The following VPS13D variants were observed in gnomAD, a reference collection of about 807,000 sequenced individuals.
The protein encoded by VPS13D is vacuolar protein sorting 13 homolog D.
In VPS13D, 187 loss-of-function variants were observed where a neutral mutation model predicts 461.9. The ratio of observed to expected loss-of-function variants is 0.40; its 90% CI spans 0.36 to 0.46. VPS13D has a LOEUF of 0.46. VPS13D is among the 20% of genes least tolerant of loss of function. VPS13D has a pLI of 0.60. For missense variants in VPS13D, 4,711 were observed against 5,364.9 expected (o/e 0.88, Z 3.81); for synonymous variants, 1,951 against 1,986.3 (o/e 0.98, Z 0.47).
In VPS13D at chr1:12,379,592, T is replaced by C; in HGVS notation, c.11186T>C (p.Val3729Ala). The C allele has an allele frequency of 6.2e-7, 1 of 1,612,292 alleles. No individual in the cohort carries two copies. Among genetic ancestry groups the C allele is most frequent in the East Asian group, 2.2e-5 (1 of 44,798 alleles). The change falls in exon 57 of 70, where the codon GTC becomes GCC. Residue 3729 changes from valine to alanine, a missense_variant. Around this residue, in one of 3 missense-constraint regions of VPS13D, gnomAD observed 4,411 missense variants for 4,937.8 expected, o/e 0.89. Transcript: ENST00000620676. Reference sequence around the variant, plus strand: ...ACCTGTGGGTTACATGGGTTGGTCGTCCAGGTCAGTCGTTTTTGATCCCCA... The same window carrying C: ...ACCTGTGGGTTACATGGGTTGGTCGCCCAGGTCAGTCGTTTTTGATCCCCA... ...KLTCGLHGLV[V>A]QAKGGLSGLF...
chr1:12,286,176 C>T (rs1445442334), intron 21 of VPS13D, among the ~76,000 whole-genome samples: 4 of 152,002 alleles, frequency 2.6e-5, no homozygotes, highest in Non-Finnish European at 5.9e-5. Context: ...CTCCTGGGTT[C>T]GAGCTATTCT....
intron 11 of VPS13D, 76 bp from the exon 12 acceptor site, chr1:12,260,872 T>C (rs1641085237): frequency 1.2e-6 from 2 of 1,610,450 alleles, no homozygotes; most frequent in Non-Finnish European, 1.7e-6. Context: ...CTTGTGCTCC[T>C]GTGGGGAAAC....
At chr1:12,335,656 C>G in intron 38 of VPS13D, 49 bp from the exon 39 acceptor site, 1 of 1,559,372 alleles carries the variant, frequency 6.4e-7, no homozygotes, top group Non-Finnish European at 8.7e-7. Context: ...TTGACTCGAA[C>G]CCTCCATCTT....
chr1:12,294,930 A>G (rs1642233031), intron 24 of VPS13D, among the ~76,000 whole-genome samples: 2 of 152,080 alleles, frequency 1.3e-5, no homozygotes, highest in South Asian at 4.1e-4. Flanking sequence ...CCTTTTTTAA[A>G]AAAACTTTAT....
chr1:12,338,382 T>C (rs1342016667), intron 40 of VPS13D, 77 bp downstream of exon 40: 2 of 1,335,152 alleles, frequency 1.5e-6, no homozygotes, highest in African/African-American at 1.5e-5. Flanking sequence ...TTTTTTTTAA[T>C]GAGTGGGAGT....
At chr1:12,477,085 G>A (rs771803108) in intron 67 of VPS13D, among the ~76,000 whole-genome samples, 1 of 152,216 alleles carries the variant, frequency 6.6e-6, no homozygotes, top group Non-Finnish European at 1.5e-5. Flanking sequence ...GTAGTTGCTA[G>A]TATGGGATTT....
At chr1:12,354,448 T>A (rs1643868741) in intron 47 of VPS13D, among the ~76,000 whole-genome samples, 1 of 152,092 alleles carries the variant, frequency 6.6e-6, no homozygotes, top group South Asian at 2.1e-4. Context: ...GCGGGAAGAT[T>A]ACTTGAGTCT....
At chr1:12,391,252 G>GAT (rs774256146) in intron 60 of VPS13D, among the ~76,000 whole-genome samples, 1 of 152,194 alleles carries the variant, frequency 6.6e-6, no homozygotes, top group Non-Finnish European at 1.5e-5. Flanking sequence ...TCCTAGAAAG[G>GAT]GGCTGTAGTG....
chr1:12,399,098 G>A (rs1644538021), intron 60 of VPS13D, among the ~76,000 whole-genome samples: 1 of 152,228 alleles, frequency 6.6e-6, no homozygotes, highest in Non-Finnish European at 1.5e-5. Context: ...GGCTAGCATG[G>A]AGCTTCGCAC....
intron 22 of VPS13D, among the ~76,000 whole-genome samples, chr1:12,289,525 G>C (rs1192380306): frequency 2.0e-5 from 3 of 150,328 alleles, no homozygotes; most frequent in Admixed American, 6.6e-5. Flanking sequence ...TTCATGCCTT[G>C]TGCAATTATT....
intron 23 of VPS13D, 68 bp downstream of exon 23, chr1:12,291,192 G>A (rs929341638): frequency 1.3e-6 from 2 of 1,541,944 alleles, no homozygotes; most frequent in African/African-American, 2.8e-5. Flanking sequence ...ATTCTTGTTG[G>A]CTAGACAATA....
rs1280974414 is a variant in VPS13D, at chr1:12,335,776, A to G, written c.8500A>G (p.Lys2834Glu). The change falls in exon 39 of 70, where the codon AAA (lysine) becomes GAA (glutamate). Residue 2834 changes from lysine to glutamate, a missense_variant. Physicochemically the swap from Lys to Glu is moderately conservative, Grantham distance 56 (BLOSUM62 1). This residue lies in a region of VPS13D where 4,411 missense variants were observed against 4,937.8 expected (regional missense o/e 0.89). Coordinates refer to ENST00000620676, the MANE Select transcript of VPS13D (RefSeq NM_015378.4). ...AGATGACAAGGACATAGAGTCAGCT[A>G]AATCAGAAGACTGGATGGGCTCTTC... ...CKDDKDIESA[K>E]SEDWMGSSVD... 2 of 1,614,078 alleles carry G rather than the reference A, an allele frequency of 1.2e-6. No homozygotes were observed. Among genetic ancestry groups the G allele is most frequent in the South Asian group, 2.2e-5 (2 of 91,084 alleles).
intron 63 of VPS13D, among the ~76,000 whole-genome samples, chr1:12,412,657 A>G (rs954823393): frequency 6.6e-6 from 1 of 152,378 alleles, no homozygotes; most frequent in South Asian, 2.1e-4. Flanking sequence ...TAGGTGGAGC[A>G]TAAATAAAAT....
Position 12,318,341 on chromosome 1 carries a change from A to AT in VPS13D, c.7414+6dup. 1 of 1,604,258 alleles carries AT rather than the reference A, an allele frequency of 6.2e-7. No individual in the cohort carries two copies. The highest frequency in any genetic ancestry group is 8.5e-7 in the Non-Finnish European group (1 of 1,172,250). On this transcript the variant is annotated splice_donor_region_variant and intron_variant, in intron 31 of 69. Coordinates refer to ENST00000620676, the MANE Select transcript of VPS13D (RefSeq NM_015378.4). ...GAGGTCAAGGTCAATGTAACAGGTG[A>AT]TTATATGTGGGTGTGATTCATTGGT...
At chr1:12,357,132 A>G (rs1347371072) in intron 49 of VPS13D, among the ~76,000 whole-genome samples, 1 of 152,234 alleles carries the variant, frequency 6.6e-6, no homozygotes, top group Non-Finnish European at 1.5e-5. Flanking sequence ...TGCTTTTTAC[A>G]AGAGTCTTTT....
rs980735969 is a variant in VPS13D, at chr1:12,233,057, G to C, written c.-76-1134G>C. On this transcript the variant is annotated intron_variant, in intron 1 of 69. Transcript: ENST00000620676. ...GTCTCACTCTGTCACCCAGGCTGGAGTGCGGTGGTGTGATCTTGGCTCACT... is the reference window on the plus strand; with the variant it reads ...GTCTCACTCTGTCACCCAGGCTGGACTGCGGTGGTGTGATCTTGGCTCACT... Among the ~76,000 whole-genome samples the C allele has an allele frequency of 4.0e-5, 6 of 151,252 alleles. 1 individual carries two copies. The highest frequency in any genetic ancestry group is 3.3e-4 in the Admixed American group (5 of 15,170).
At position 12,230,031 on chromosome 1, in the gene VPS13D, T is replaced by C. The variant is rs1051065537; in HGVS notation, c.-166T>C. 6.6e-6 allele frequency: 1 copy of C among 151,892 alleles called. No homozygotes were observed. Among genetic ancestry groups the C allele is most frequent in the Non-Finnish European group, 1.5e-5 (1 of 67,912 alleles). The allele number at this position is 151,892 out of a possible 1,614,324, so 9.4% of individuals were successfully genotyped here. ...TCGATTGGTCGGGTCGGGGCCGGCC[T>C]GAGCGCCGCGGGCCTGCGCCATTGA... is the stretch of plus-strand genomic sequence containing the variant. On this transcript the variant is annotated 5_prime_UTR_variant, in exon 1 of 70. Coordinates refer to ENST00000620676, the MANE Select transcript of VPS13D (RefSeq NM_015378.4).
At chr1:12,388,946 T>C (rs1644386618) in intron 60 of VPS13D, among the ~76,000 whole-genome samples, 1 of 152,242 alleles carries the variant, frequency 6.6e-6, no homozygotes, top group African/African-American at 2.4e-5. Context: ...AGAATATTAC[T>C]GGTGTAGTCG....
intron 54 of VPS13D, among the ~76,000 whole-genome samples, chr1:12,373,256 G>A (rs1644150338): frequency 6.6e-6 from 1 of 151,572 alleles, no homozygotes; most frequent in African/African-American, 2.4e-5. Flanking sequence ...GAGTAACTGG[G>A]ATTACAGGGG....
Sources: gnomAD v4.1 joint callset for allele counts (sites outside exome capture counted in the v4.1 genomes callset) on GRCh38, gnomAD v4.1.1 for gene constraint, gnomAD v4.1.1 regional missense constraint, MANE v1.5 for transcripts, NCBI Gene and HGNC (gene_info 2026-07-23, HGNC 2026-07-21) for gene names.